EARS2: variants seen among roughly 807,000 people sequenced by gnomAD.
EARS2 encodes the protein nondiscriminating glutamyl-tRNA synthetase EARS2, mitochondrial.
Under a neutral mutation model 54.1 loss-of-function variants are expected in EARS2, and 50 were observed. The ratio of observed to expected loss-of-function variants is 0.92; its 90% confidence interval spans 0.74 to 1.17. The LOEUF is 1.17. Ranked by LOEUF, EARS2 falls within the 50% of genes most tolerant of loss-of-function variation. The pLI is 0.00. For missense variants in EARS2, 673 were observed against 675.0 expected (o/e 1.00, Z 0.03); for synonymous variants, 298 against 281.0 (o/e 1.06, Z -0.61).
Position 23,532,725 on chromosome 16 carries a change from C to T in EARS2, c.999G>A (p.Gln333=), listed in dbSNP as rs750589300. ...MGRTLPELIT[Q]FNLTQVTCHS... ...GACAGGTGACCTGTGTCAGGTTGAA[C>T]TGTGTGATCAGCTCCGGCAGGGTCC... The change falls in exon 5 of 9, where the codon CAG becomes CAA. Residue 333 remains glutamine (Q), a synonymous_variant. Transcript: ENST00000449606. The T allele has an allele frequency of 8.1e-6, 13 of 1,614,120 alleles. No individual in the cohort carries two copies. Among genetic ancestry groups the T allele is most frequent in the Middle Eastern group, 1.7e-4 (1 of 6,056 alleles).
chr16:23,533,693 T>C (rs1965363979), intron 4 of EARS2, among the ~76,000 whole-genome samples: 1 of 152,242 alleles, frequency 6.6e-6, no homozygotes, highest in African/African-American at 2.4e-5. Context: ...AGACTCTGAG[T>C]CAACTGGGTT....
Position 23,523,689 on chromosome 16 carries a change from C to G in EARS2, c.*682G>C, listed in dbSNP as rs1407305595. ...TGAATTCTGTCCCCCTAAATTCTTACGTTGAGAAACCCCTGGAACCTCAGA... is the reference window on the plus strand; with the variant it reads ...TGAATTCTGTCCCCCTAAATTCTTAGGTTGAGAAACCCCTGGAACCTCAGA... On this transcript the variant is annotated 3_prime_UTR_variant, in exon 9 of 9. Coordinates refer to ENST00000449606, the MANE Select transcript of EARS2 (RefSeq NM_001083614.2). 1 of 152,196 alleles carries G rather than the reference C, an allele frequency of 6.6e-6. No homozygotes were observed. Among genetic ancestry groups the G allele is most frequent in the African/African-American group, 2.4e-5 (1 of 41,448 alleles). The allele number at this position is 152,196 out of a possible 1,614,324, so 9.4% of individuals were successfully genotyped here. A position where few individuals can be genotyped will look rare whatever the true frequency, so the allele number is the denominator to read the frequency against.
chr16:23,535,091 A>C lies in EARS2; in HGVS notation c.755T>G (p.Val252Gly). The C allele has an allele frequency of 6.2e-7, 1 of 1,602,306 alleles. No individual in the cohort carries two copies. The change falls in exon 4 of 9, where the codon GTC becomes GGC. Residue 252 changes from valine (V) to glycine (G), a missense_variant. By Grantham distance (109) the Val-to-Gly change is moderately radical (BLOSUM62 -3). Coordinates refer to ENST00000449606, the MANE Select transcript of EARS2 (RefSeq NM_001083614.2). The part of the protein sequence containing the change: ...SHVLRGSEWL[V>G]STAKHLLLYQ... ...GAGGAGCAGGTGCTTGGCAGTGGAG[A>C]CGAGCCACTCAGAGCCTCGCAGCAC... is the stretch of plus-strand genomic sequence containing the variant.
intron 1 of EARS2, chr16:23,556,995 T>TGGCAC (rs1024314021): frequency 2.1e-5 from 16 of 765,876 alleles, no homozygotes; most frequent in African/African-American, 3.5e-5. Context: ...AGAGATGGGA[T>TGGCAC]GGCACAAAAA....
At chr16:23,531,831 T>A (rs1263677745) in intron 5 of EARS2, among the ~76,000 whole-genome samples, 1 of 152,198 alleles carries the variant, frequency 6.6e-6, no homozygotes, top group Admixed American at 6.5e-5. Context: ...ATAACTTTTT[T>A]TAAAGACAGA....
Position 23,524,247 on chromosome 16 carries a change from G to A in EARS2, c.*124C>T. 1 of 802,610 alleles carries A rather than the reference G, an allele frequency of 1.2e-6. No individual in the cohort carries two copies. The highest frequency in any genetic ancestry group is 2.1e-6 in the Non-Finnish European group (1 of 466,870). 49.7% of individuals were successfully genotyped at this position (802,610 alleles called of 1,614,324 possible). On this transcript the variant is annotated 3_prime_UTR_variant, in exon 9 of 9. Transcript: ENST00000449606. ...ATGCACTTGTGTGCAGTCAGAGATT[G>A]TTTCCACTCTTAGTTCCTTCAGCAA...
chr16:23,557,034 A>G (rs1481871670), intron 1 of EARS2, 171 bp downstream of exon 1: 13 of 1,018,656 alleles, frequency 1.3e-5, no homozygotes, highest in Middle Eastern at 4.1e-4. Flanking sequence ...AATTTGAATT[A>G]TTTCCGCTCC....
rs1244974739 is a variant in EARS2, at chr16:23,529,456, A to T, written c.1352+46T>A. The T allele has an allele frequency of 1.9e-6, 3 of 1,593,950 alleles. No homozygotes were observed. The Admixed American group carries it at 5.1e-5, about 27-fold the overall frequency. On this transcript the variant is annotated intron_variant, in intron 7 of 8. Transcript: ENST00000449606. ...GGAAAGAGAGCCATGGGACAGAGAG[A>T]GGGAAGGAGGGTGTGGAACCCTGAG...
At chr16:23,556,903 C>G (rs931576280) in intron 1 of EARS2, 12 of 622,314 alleles carry the variant, frequency 1.9e-5, no homozygotes, top group Non-Finnish European at 3.3e-5. Context: ...TCTCAATGAT[C>G]ACTGTATCCC....
Position 23,524,283 on chromosome 16 carries a change from G to A in EARS2, c.*88C>T, listed in dbSNP as rs1965186790. The stretch of plus-strand genomic sequence containing the variant: ...TAGTTCCTTCAGCAAACTTCCCGAC[G>A]GGCCCCAGGCCTCCTTCTGGTCTCT... On this transcript the variant is annotated 3_prime_UTR_variant, in exon 9 of 9. Coordinates refer to ENST00000449606, the MANE Select transcript of EARS2 (RefSeq NM_001083614.2). 23 of 1,137,042 alleles carry A rather than the reference G, an allele frequency of 2.0e-5. No individual in the cohort carries two copies. The highest frequency in any genetic ancestry group is 2.9e-5 in the Non-Finnish European group (22 of 751,806). 70.4% of individuals were successfully genotyped at this position (1,137,042 alleles called of 1,614,324 possible). A position where few individuals can be genotyped will look rare whatever the true frequency, so the allele number is the denominator to read the frequency against.
At chr16:23,535,422 C>T (rs1965402047) in intron 3 of EARS2, 62 bp from the exon 4 acceptor site, 6 of 1,486,550 alleles carry the variant, frequency 4.0e-6, no homozygotes, top group African/African-American at 1.4e-5. Context: ...AGGAGTCCTA[C>T]CTCTGTCATA....
chr16:23,549,833 C>G (rs562098528), intron 2 of EARS2, among the ~76,000 whole-genome samples: 18 of 152,298 alleles, frequency 1.2e-4, no homozygotes, highest in Non-Finnish European at 2.4e-4. Context: ...TGATGCTCCT[C>G]AAATACATCT....
At chr16:23,533,908 T>C (rs1005026582) in intron 4 of EARS2, among the ~76,000 whole-genome samples, 15 of 151,878 alleles carry the variant, frequency 9.9e-5, no homozygotes, top group Admixed American at 9.8e-4. Flanking sequence ...ATACAAAAAT[T>C]AGCCAAGCGT....
chr16:23,536,276 G>C (rs1222933694), intron 3 of EARS2, among the ~76,000 whole-genome samples: 1 of 152,182 alleles, frequency 6.6e-6, no homozygotes, highest in Non-Finnish European at 1.5e-5. Context: ...TGTAAGGTTA[G>C]TCTTTGCCAC....
At chr16:23,535,919 A>G (rs1322307384) in intron 3 of EARS2, among the ~76,000 whole-genome samples, 1 of 152,166 alleles carries the variant, frequency 6.6e-6, no homozygotes, top group Admixed American at 6.6e-5. Flanking sequence ...TGCAGGAGGG[A>G]AGGCAATGAA....
chr16:23,535,096 C>CCA lies in EARS2; in HGVS notation c.748_749dup (p.Trp250CysfsTer82). ...GCAGGTGCTTGGCAGTGGAGACGAG[C>CCA]CACTCAGAGCCTCGCAGCACGTGGC... On this transcript the variant is annotated frameshift_variant, in exon 4 of 9. Transcript: ENST00000449606. LOFTEE classifies it high-confidence loss of function. 6.2e-7 allele frequency: 1 copy of CCA among 1,608,428 alleles called. No homozygotes were observed. Among genetic ancestry groups the CCA allele is most frequent in the Non-Finnish European group, 8.5e-7 (1 of 1,177,914 alleles).
chr16:23,529,444 T>A, intron 7 of EARS2, 58 bp downstream of exon 7: 3 of 1,580,160 alleles, frequency 1.9e-6, no homozygotes, highest in Non-Finnish European at 2.6e-6. Context: ...AAGAGAGCCA[T>A]GGGACAGAGA....
In EARS2 at chr16:23,535,321, C is replaced by T; in HGVS notation, c.525G>A (p.Val175=). 6.2e-7 allele frequency: 1 copy of T among 1,601,788 alleles called. No individual in the cohort carries two copies. The change falls in exon 4 of 9, where the codon GTG becomes GTA. Residue 175 remains valine (V), a synonymous_variant. Coordinates refer to ENST00000449606, the MANE Select transcript of EARS2 (RefSeq NM_001083614.2). ...NRCRNMSQEQ[V]AQKLAKDPKP... is the part of the protein sequence containing the mutation. ...TGGGGTCCTTGGCCAGCTTCTGGGC[C>T]ACCTGCTCCTGGCTCATGTTCCTGC...
At chr16:23,525,084 G>T in intron 8 of EARS2, 160 bp downstream of exon 8, 1 of 860,700 alleles carries the variant, frequency 1.2e-6, no homozygotes, top group Non-Finnish European at 1.9e-6. Flanking sequence ...GCACATAGTA[G>T]GTACTCAATA....
Sources: allele counts gnomAD v4.1 joint callset (sites outside exome capture counted in the v4.1 genomes callset), GRCh38; gene constraint gnomAD v4.1.1; transcripts MANE v1.5; gene names NCBI Gene and HGNC (gene_info 2026-07-23, HGNC 2026-07-21).